MACROD1: variants seen among roughly 807,000 people sequenced by gnomAD.
MACROD1 encodes mono-ADP ribosylhydrolase 1.
A neutral mutation model predicts 41.4 loss-of-function variants in MACROD1; 31 were observed. That is an observed-to-expected ratio of 0.75 (90% CI 0.56 to 1.01). The LOEUF (loss-of-function observed/expected upper bound fraction) is 1.01. MACROD1 is among the 50% of genes least tolerant of loss of function. MACROD1 has a pLI of 0.00. For missense variants in MACROD1, 473 were observed against 460.0 expected, an observed-to-expected ratio of 1.03 and a Z score of -0.26; for synonymous variants, 252 against 203.4, an observed-to-expected ratio of 1.24 and a Z score of -2.03.
chr11:64,084,341 A>G (rs898278222), intron 3 of MACROD1, among the ~76,000 whole-genome samples: 1 of 152,096 alleles, frequency 6.6e-6, no homozygotes, highest in Non-Finnish European at 1.5e-5. Flanking sequence ...CCCAGCCTCG[A>G]GGAGCCCCTG....
chr11:64,020,906 G>A (rs1039465414), intron 3 of MACROD1, among the ~76,000 whole-genome samples: 2 of 151,934 alleles, frequency 1.3e-5, no homozygotes, highest in Non-Finnish European at 2.9e-5. Flanking sequence ...TTTTAGAGAC[G>A]GGGTTTCACC....
At chr11:64,139,551 C>T (rs1351802488) in intron 3 of MACROD1, among the ~76,000 whole-genome samples, 1 of 152,216 alleles carries the variant, frequency 6.6e-6, no homozygotes, top group Non-Finnish European at 1.5e-5. Context: ...GAAGTGAGAT[C>T]CCTCACTGCT....
At chr11:64,066,712 C>T (rs1028787981) in intron 3 of MACROD1, among the ~76,000 whole-genome samples, 2 of 151,896 alleles carry the variant, frequency 1.3e-5, no homozygotes, top group African/African-American at 2.4e-5. Flanking sequence ...GGTGGGAATA[C>T]GATGAGAGCC....
rs140497307 is a variant in MACROD1, at chr11:64,117,199, G to A, written c.517+34040C>T. ...AACAACAACCTGACCACGCTGCCCC[G>A]CGGCCTGTTCGACGACCTGGGGAAC... is the stretch of plus-strand genomic sequence containing the variant. On this transcript the variant is annotated intron_variant, in intron 3 of 10. Coordinates refer to ENST00000255681, the MANE Select transcript of MACROD1 (RefSeq NM_014067.4). 9.1e-5 allele frequency: 147 copies of A among 1,614,120 alleles called. No homozygotes were observed. The East Asian group carries it at 1.9e-3, about 21-fold the overall frequency.
At chr11:64,117,226 T>C in intron 3 of MACROD1, 1 of 1,614,200 alleles carries the variant, frequency 6.2e-7, no homozygotes, top group African/African-American at 1.3e-5. Context: ...CTGGGGAACC[T>C]GGCCCAGCTG....
intron 3 of MACROD1, among the ~76,000 whole-genome samples, chr11:64,048,100 C>T (rs376810583): frequency 2.6e-5 from 4 of 152,258 alleles, no homozygotes; most frequent in South Asian, 4.1e-4. Flanking sequence ...CCCTGGCCGG[C>T]GGGAGGCAGT....
intron 3 of MACROD1, among the ~76,000 whole-genome samples, chr11:64,019,863 G>T: frequency 6.6e-6 from 1 of 152,148 alleles, no homozygotes; most frequent in East Asian, 1.9e-4. Context: ...TTGAGCTGAG[G>T]CTTGAAGGAT....
intron 3 of MACROD1, among the ~76,000 whole-genome samples, chr11:64,071,480 A>T (rs1386040293): frequency 6.6e-6 from 1 of 151,976 alleles, no homozygotes; most frequent in Non-Finnish European, 1.5e-5. Flanking sequence ...GGCCAAGGAG[A>T]GCATTGTCCC....
intron 3 of MACROD1, chr11:64,118,054 A>C (rs1475875325): frequency 3.1e-5 from 50 of 1,613,496 alleles, no homozygotes; most frequent in Non-Finnish European, 3.9e-5. Flanking sequence ...GGCAGCAGGA[A>C]AAAGGATGAC....
chr11:64,128,496 G>GC, intron 3 of MACROD1, among the ~76,000 whole-genome samples: 1 of 152,226 alleles, frequency 6.6e-6, no homozygotes, highest in South Asian at 2.1e-4. Flanking sequence ...CACAGAGGAC[G>GC]CTTCCACGGA....
At chr11:64,092,890 C>T (rs1192301274) in intron 3 of MACROD1, among the ~76,000 whole-genome samples, 3 of 152,386 alleles carry the variant, frequency 2.0e-5, no homozygotes, top group Admixed American at 2.0e-4. Flanking sequence ...AGTGAACAAA[C>T]TTCAATTGGC....
chr11:64,152,757 G>A (rs893175412), intron 1 of MACROD1, among the ~76,000 whole-genome samples: 21 of 152,160 alleles, frequency 1.4e-4, no homozygotes, highest in African/African-American at 4.6e-4. Context: ...GAACAGCTCC[G>A]AGCTTCCTCC....
At chr11:64,147,241 AT>A (rs534288814) in intron 3 of MACROD1, among the ~76,000 whole-genome samples, 18 of 146,574 alleles carry the variant, frequency 1.2e-4, no homozygotes, top group African/African-American at 3.5e-4. Context: ...ATCTTTTTTA[AT>A]TTTTTTTTTG....
chr11:64,088,465 G>A (rs1173994135), intron 3 of MACROD1, among the ~76,000 whole-genome samples: 1 of 152,180 alleles, frequency 6.6e-6, no homozygotes, highest in African/African-American at 2.4e-5. Context: ...CTGGGGCAGG[G>A]CAGGCGCTCA....
intron 3 of MACROD1, among the ~76,000 whole-genome samples, chr11:64,065,199 T>C (rs1181270796): frequency 1.3e-5 from 2 of 152,076 alleles, no homozygotes; most frequent in African/African-American, 4.8e-5. Context: ...GAAGCAGGCC[T>C]GGGGTCAGAG....
At chr11:64,088,426 C>T (rs575334224) in intron 3 of MACROD1, among the ~76,000 whole-genome samples, 55 of 152,292 alleles carry the variant, frequency 3.6e-4, no homozygotes, top group African/African-American at 1.3e-3. Flanking sequence ...AGCATCCTCC[C>T]TGTGAGCCCT....
chr11:64,120,269 C>G lies in MACROD1; in HGVS notation c.517+30970G>C, dbSNP rs1320232706. 6.6e-6 allele frequency among the ~76,000 whole-genome samples: 1 copy of G among 152,182 alleles called. No individual in the cohort carries two copies. The highest frequency in any genetic ancestry group is 1.5e-5 in the Non-Finnish European group (1 of 68,032). On this transcript the variant is annotated intron_variant, in intron 3 of 10. Coordinates refer to ENST00000255681, the MANE Select transcript of MACROD1 (RefSeq NM_014067.4). The surrounding 1 kb of genome is among the most constrained non-coding windows in gnomAD (Gnocchi z 4.5). ...CCACTCCCCAGCCCTGGGGAACAGC[C>G]GAGCAGCGTGGTCACGTTTCACTCG...
rs1945118958 is a variant in MACROD1 at position 64,122,750 on chromosome 11, G to GT, written c.517+28488dup. On this transcript the variant is annotated intron_variant, in intron 3 of 10. Transcript: ENST00000255681. The surrounding 1 kb of genome is among the most constrained non-coding windows in gnomAD (Gnocchi z 4.0). Reference sequence around the variant, plus strand: ...AAGTGGGGGCCCTTCCCCGCTGCTGGTGCTGAAAGGTTCTAGCTGGCCCAA... The same window carrying GT: ...AAGTGGGGGCCCTTCCCCGCTGCTGGTTGCTGAAAGGTTCTAGCTGGCCCAA... 6.6e-6 allele frequency among the ~76,000 whole-genome samples: 1 copy of GT among 152,200 alleles called. No individual in the cohort carries two copies. Among genetic ancestry groups the GT allele is most frequent in the Non-Finnish European group, 1.5e-5 (1 of 68,040 alleles).
In MACROD1 at chr11:64,123,536, G is replaced by C. The variant is rs565981743; in HGVS notation, c.517+27703C>G. Among the ~76,000 whole-genome samples, 114 of 141,308 alleles carry C rather than the reference G, an allele frequency of 8.1e-4. 4 individuals carry two copies. In the South Asian group the frequency reaches 0.026, roughly 32 times the overall value. The allele number at this position is 141,308 out of a possible 152,430, so 92.7% of individuals were successfully genotyped here. On this transcript the variant is annotated intron_variant, in intron 3 of 10. Transcript: ENST00000255681. ...GGACTTTCTGGGCCTCGATGGGTGG[G>C]GTGGGGGGGTTGGGGGTGCAAGATG...
Sources: gnomAD v4.1 joint callset for allele counts (sites outside exome capture counted in the v4.1 genomes callset) on GRCh38, gnomAD v4.1.1 for gene constraint, Gnocchi (gnomAD v3.1) non-coding constraint, MANE v1.5 for transcripts, NCBI Gene and HGNC (gene_info 2026-07-23, HGNC 2026-07-21) for gene names.